EXOC4: variants seen among roughly 807,000 people sequenced by gnomAD.
EXOC4 encodes exocyst complex component 4.
A neutral mutation model predicts 107.2 loss-of-function variants in EXOC4; 71 were observed. The ratio of observed to expected loss-of-function variants is 0.66; its 90% CI spans 0.55 to 0.81. The LOEUF (loss-of-function observed/expected upper bound fraction) is 0.81. EXOC4 is among the 30% of genes least tolerant of loss of function. The pLI is 0.00. For missense variants in EXOC4, 1,108 were observed against 1,189.6 expected (o/e 0.93, Z 1.01); for synonymous variants, 456 against 441.2 (o/e 1.03, Z -0.42).
chr7:133,961,076 G>T (rs865824424), intron 14 of EXOC4, among the ~76,000 whole-genome samples: 7 of 152,116 alleles, frequency 4.6e-5, no homozygotes, highest in Admixed American at 3.3e-4. Context: ...GGTGAGCCCA[G>T]TGTAATTTAA....
At chr7:133,430,347 C>T (rs1797828641) in intron 7 of EXOC4, among the ~76,000 whole-genome samples, 1 of 152,122 alleles carries the variant, frequency 6.6e-6, no homozygotes, top group Non-Finnish European at 1.5e-5. Context: ...TTGGAAAAAG[C>T]AACATTTGAG....
intron 14 of EXOC4, among the ~76,000 whole-genome samples, chr7:133,940,271 G>A (rs1383098816): frequency 6.6e-6 from 1 of 152,206 alleles, no homozygotes; most frequent in African/African-American, 2.4e-5. Context: ...TGCATTCTGA[G>A]TTATGCTTAA....
intron 7 of EXOC4, among the ~76,000 whole-genome samples, chr7:133,415,450 A>G (rs1186004445): frequency 6.6e-6 from 1 of 152,114 alleles, no homozygotes; most frequent in African/African-American, 2.4e-5. Context: ...CTTTGATTAT[A>G]AACATTTTAG....
the EXOC4 span, among the ~76,000 whole-genome samples, chr7:134,080,548 G>A: frequency 4.7e-4 from 71 of 152,048 alleles, no homozygotes; most frequent in Non-Finnish European, 8.2e-4. Flanking sequence ...GAAGGCAGAT[G>A]GCAGGAAGAC....
intron 11 of EXOC4, among the ~76,000 whole-genome samples, chr7:133,862,468 G>A (rs2116347287): frequency 6.6e-6 from 1 of 152,142 alleles, no homozygotes; most frequent in South Asian, 2.1e-4. Flanking sequence ...CAGCTACAGA[G>A]CAAGACTTCG....
At chr7:134,064,242 A>T (rs1474698485) in intron 17 of EXOC4, 49 bp from the exon 18 acceptor site, 1 of 1,278,576 alleles carries the variant, frequency 7.8e-7, no homozygotes, top group Non-Finnish European at 1.1e-6. Flanking sequence ...CCTCGAGACG[A>T]CGTTACCAGT....
At chr7:133,515,016 T>G (rs1285417972) in intron 9 of EXOC4, among the ~76,000 whole-genome samples, 1 of 152,192 alleles carries the variant, frequency 6.6e-6, no homozygotes, top group Non-Finnish European at 1.5e-5. Flanking sequence ...TATTAAACTA[T>G]TATTCTTAAT....
chr7:133,716,466 A>G (rs903918663), intron 10 of EXOC4, among the ~76,000 whole-genome samples: 1 of 152,240 alleles, frequency 6.6e-6, no homozygotes, highest in South Asian at 2.1e-4. Flanking sequence ...GCCTATTCAC[A>G]GAATAGTGTA....
chr7:133,379,041 T>A (rs1796556000), intron 7 of EXOC4, among the ~76,000 whole-genome samples: 1 of 152,156 alleles, frequency 6.6e-6, no homozygotes, highest in South Asian at 2.1e-4. Flanking sequence ...GTAGAAAAGT[T>A]GTGAGAATAA....
At chr7:133,433,696 G>C (rs1195154887) in intron 7 of EXOC4, among the ~76,000 whole-genome samples, 1 of 152,198 alleles carries the variant, frequency 6.6e-6, no homozygotes, top group Non-Finnish European at 1.5e-5. Context: ...TTTGGAAGCT[G>C]CAGCTTTCCA....
chr7:133,745,462 A>C (rs1795653936), intron 10 of EXOC4, among the ~76,000 whole-genome samples: 1 of 152,096 alleles, frequency 6.6e-6, no homozygotes, highest in Admixed American at 6.6e-5. Flanking sequence ...AACATATAGG[A>C]AGTATTTTGT....
intron 14 of EXOC4, among the ~76,000 whole-genome samples, chr7:133,957,656 C>A (rs1800846604): frequency 6.6e-6 from 1 of 152,134 alleles, no homozygotes; most frequent in African/African-American, 2.4e-5. Context: ...TTATATGTTT[C>A]ACATACATCA....
intron 10 of EXOC4, among the ~76,000 whole-genome samples, chr7:133,759,953 A>C (rs1795999303): frequency 6.6e-6 from 1 of 152,204 alleles, no homozygotes; most frequent in Non-Finnish European, 1.5e-5. Flanking sequence ...ACTGAGAAGG[A>C]ACAGTGTGCA....
the EXOC4 span, among the ~76,000 whole-genome samples, chr7:134,075,837 T>C: frequency 1.3e-5 from 2 of 152,196 alleles, no homozygotes; most frequent in African/African-American, 4.8e-5. Flanking sequence ...TCTGTCACAA[T>C]GGCCAGCAAT....
chr7:133,945,184 A>G (rs1018937496), intron 14 of EXOC4, among the ~76,000 whole-genome samples: 2 of 152,212 alleles, frequency 1.3e-5, no homozygotes, highest in African/African-American at 4.8e-5. Flanking sequence ...CAATCAAATC[A>G]GAGGCAGAGA....
intron 10 of EXOC4, among the ~76,000 whole-genome samples, chr7:133,740,431 ATTGCT>A (rs1312627590): frequency 6.6e-6 from 1 of 152,152 alleles, no homozygotes; most frequent in Non-Finnish European, 1.5e-5. Context: ...GGATGGCAGA[ATTGCT>A]TCATAAATGT....
chr7:133,749,048 A>T (rs1481674534), intron 10 of EXOC4, among the ~76,000 whole-genome samples: 1 of 152,246 alleles, frequency 6.6e-6, no homozygotes, highest in Middle Eastern at 3.2e-3. Context: ...ATGTAAAAAT[A>T]GGCTCAGGAG....
chr7:133,804,096 G>C (rs1223572302), intron 10 of EXOC4, among the ~76,000 whole-genome samples: 1 of 152,172 alleles, frequency 6.6e-6, no homozygotes, highest in Non-Finnish European at 1.5e-5. Flanking sequence ...AAGTAGGAAA[G>C]GGCTCCAGAG....
intron 5 of EXOC4, among the ~76,000 whole-genome samples, chr7:133,341,244 C>G (rs10231246): frequency 1.4e-3 from 213 of 152,252 alleles, no homozygotes; most frequent in African/African-American, 4.8e-3. Context: ...TGTCACTGTT[C>G]AGTTCAAAGA....
Sources: allele counts gnomAD v4.1 joint callset (sites outside exome capture counted in the v4.1 genomes callset), GRCh38; gene constraint gnomAD v4.1.1; transcripts MANE v1.5; gene names NCBI Gene and HGNC (gene_info 2026-07-23, HGNC 2026-07-21).